The following GPAT2 variants were observed in gnomAD, a reference collection of about 807,000 sequenced individuals.
The protein encoded by GPAT2 is 1-acylglycerol-3-phosphate O-acyltransferase GPAT2.
A neutral mutation model predicts 71.0 loss-of-function variants in GPAT2; 51 were observed. The ratio of observed to expected loss-of-function variants is 0.72; its 90% CI spans 0.57 to 0.91. The LOEUF is 0.91. Ranked by LOEUF, GPAT2 falls within the 40% of genes least tolerant of loss-of-function variation. The pLI, the probability that GPAT2 is intolerant of heterozygous loss-of-function variation, is 0.00. For synonymous variants in GPAT2, 222 were observed against 290.3 expected (o/e 0.76, Z 2.39); for missense variants, 511 against 666.0 (o/e 0.77, Z 2.56).
rs373628825 is a variant in GPAT2 at position 96,022,654 on chromosome 2, G to C, written c.2289+14C>G. ...AGCAGGGGGACAGAAGATGGTGACA[G>C]TGGCTCCTCTCACCCCTAGGTCTCT... On this transcript the variant is annotated intron_variant, in intron 21 of 21. Coordinates refer to ENST00000434632, the MANE Select transcript of GPAT2 (RefSeq NM_001321527.2). The C allele has an allele frequency of 2.1e-4, 331 of 1,613,662 alleles. No homozygotes were observed. Among genetic ancestry groups the C allele is most frequent in the East Asian group, 3.6e-4 (16 of 44,884 alleles).
At chr2:96,024,975 A>G in intron 13 of GPAT2, 132 bp from the exon 14 acceptor site, 1 of 1,043,634 alleles carries the variant, frequency 9.6e-7, no homozygotes, top group Non-Finnish European at 1.5e-6. Context: ...CACCCGGAGC[A>G]GTGGTGTTTA....
chr2:96,026,068 A>G (rs1573863253), intron 11 of GPAT2, 56 bp from the exon 12 acceptor site: 1 of 1,600,096 alleles, frequency 6.2e-7, no homozygotes, highest in East Asian at 2.2e-5. Flanking sequence ...AAACTTGCAC[A>G]CAGCCCACTG....
chr2:96,024,777 T>G lies in GPAT2; in HGVS notation c.1424A>C (p.Gln475Pro). Residue 475 changes from glutamine to proline, a missense_variant, in exon 14 of 22, where the codon CAG (glutamine) becomes CCG (proline). Transcript: ENST00000434632. ...IMATLLLFKH[Q>P]KGVFLSQLLG... ...CCACCACATTGCACCCCCTACCTTC[T>G]GATGCTTGAAGAGCAGCAGCGTTGC... 1.2e-6 allele frequency: 2 copies of G among 1,613,910 alleles called. No homozygotes were observed. The highest frequency in any genetic ancestry group is 1.7e-6 in the Non-Finnish European group (2 of 1,179,958).
intron 17 of GPAT2, 30 bp from the exon 18 acceptor site, chr2:96,023,470 C>G (rs761082781): frequency 6.2e-7 from 1 of 1,613,068 alleles, no homozygotes; most frequent in Admixed American, 1.7e-5. Context: ...TGTTCTCTGA[C>G]AAGCTGGCCA....
In GPAT2 at chr2:96,024,440, G is replaced by A. The variant is rs368926242; in HGVS notation, c.1674C>T (p.Ser558=). 38 of 1,613,586 alleles carry A rather than the reference G, an allele frequency of 2.4e-5. No homozygotes were observed. The highest frequency in any genetic ancestry group is 3.3e-4 in the Middle Eastern group (2 of 6,082). Residue 558 remains serine (S), a synonymous_variant, in exon 15 of 22, where the codon AGC becomes AGT. Coordinates refer to ENST00000434632, the MANE Select transcript of GPAT2 (RefSeq NM_001321527.2). ...LSAELLPVFL[S]EAVGACAVRG... is the part of the protein sequence containing the mutation. ...CTCAAGACTCACCGCCCACAGCCTC[G>A]CTCAGGAAGACGGGCAGCAGCTCAG...
intron 15 of GPAT2, 39 bp from the exon 16 acceptor site, chr2:96,024,376 C>T (rs1250770527): frequency 1.2e-6 from 2 of 1,605,248 alleles, no homozygotes; most frequent in South Asian, 2.2e-5. Flanking sequence ...GGAGCCGTTC[C>T]CTTCACCACT....
rs1002643577 is a variant in GPAT2 at position 96,025,355 on chromosome 2, A to C, written c.1357+130T>G. Reference sequence around the variant, plus strand: ...GGAGAAGGGTTCCATTCTTCTTCAGATGTCCCCAAGGTATCACAGAGCACC... The same window carrying C: ...GGAGAAGGGTTCCATTCTTCTTCAGCTGTCCCCAAGGTATCACAGAGCACC... On this transcript the variant is annotated intron_variant, in intron 13 of 21. Coordinates refer to ENST00000434632, the MANE Select transcript of GPAT2 (RefSeq NM_001321527.2). 4.9e-6 allele frequency: 6 copies of C among 1,235,636 alleles called. No individual in the cohort carries two copies. In the African/African-American group the frequency reaches 9.2e-5, roughly 19 times the overall value. The allele number at this position is 1,235,636 out of a possible 1,614,324, so 76.5% of individuals were successfully genotyped here.
Position 96,024,211 on chromosome 2 carries a change from G to C in GPAT2, c.1814C>G (p.Pro605Arg). ...GACCTTTAGCAGCAGCAGGTCTTGC[G>C]GCAGCAGGTGCATCAGCAGCAGGAT... Reference protein sequence around the residue: ...RQILLLMHLLPQDLLLLKPCQ... With the variant: ...RQILLLMHLLRQDLLLLKPCQ... The change falls in exon 16 of 22, where the codon CCG becomes CGG. Residue 605 changes from proline (P) to arginine (R), a missense_variant. Coordinates refer to ENST00000434632, the MANE Select transcript of GPAT2 (RefSeq NM_001321527.2). 6.5e-7 allele frequency: 1 copy of C among 1,533,918 alleles called. No individual in the cohort carries two copies. Among genetic ancestry groups the C allele is most frequent in the Non-Finnish European group, 8.8e-7 (1 of 1,135,108 alleles).
Position 96,025,504 on chromosome 2 carries a change from C to T in GPAT2, c.1338G>A (p.Leu446=), listed in dbSNP as rs761861434. ...KEEDQLLVRR[L]SCHVLSASVG... is the part of the protein sequence containing the mutation. ...CCTCACCACTCAGGACATGACAGCT[C>T]AGTCTCCTGACCAGGAGCTGGTCCT... is the stretch of plus-strand genomic sequence containing the variant. The change falls in exon 13 of 22, where the codon CTG becomes CTA. Residue 446 remains leucine, a synonymous_variant. Transcript: ENST00000434632. The T allele has an allele frequency of 1.3e-6, 2 of 1,574,106 alleles. No individual in the cohort carries two copies. The highest frequency in any genetic ancestry group is 1.7e-6 in the Non-Finnish European group (2 of 1,159,956).
intron 13 of GPAT2, chr2:96,025,047 G>A: frequency 1.6e-6 from 1 of 635,186 alleles, no homozygotes; most frequent in South Asian, 1.9e-5. Flanking sequence ...TCATCGTAGG[G>A]CCCACACATC....
intron 3 of GPAT2, 140 bp downstream of exon 3, chr2:96,031,893 T>A: frequency 1.1e-6 from 1 of 909,142 alleles, no homozygotes; most frequent in Non-Finnish European, 1.6e-6. Flanking sequence ...TACCAGTGCA[T>A]CCATTCCCCT....
At position 96,024,274 on chromosome 2, in the gene GPAT2, C is replaced by T; in HGVS notation, c.1751G>A (p.Gly584Asp). The T allele has an allele frequency of 6.5e-7, 1 of 1,549,476 alleles. No individual in the cohort carries two copies. Among genetic ancestry groups the T allele is most frequent in the Non-Finnish European group, 8.7e-7 (1 of 1,144,740 alleles). ...CTCATTCTGGCTCAGCAGCAATATG[C>T]CCTGCAGCTCCCAGGGCCCCTGGGG... ...VPPQGPWELQ[G>D]ILLLSQNELY... The change falls in exon 16 of 22, where the codon GGC (glycine) becomes GAC (aspartate). Residue 584 changes from glycine (G) to aspartate (D), a missense_variant. This residue lies in a region of GPAT2 where 295 missense variants were observed against 305.5 expected (regional missense o/e 0.97). Transcript: ENST00000434632.
Position 96,023,428 on chromosome 2 carries a change from G to C in GPAT2, c.1927C>G (p.Arg643Gly). Residue 643 changes from arginine (R) to glycine (G), a missense_variant, in exon 18 of 22, where the codon CGG becomes GGG. This residue lies in a region of GPAT2 where 295 missense variants were observed against 305.5 expected (regional missense o/e 0.97). Coordinates refer to ENST00000434632, the MANE Select transcript of GPAT2 (RefSeq NM_001321527.2). ...LLVAEETPGS[R>G]PACDTGRQRL... ...TGTCGCCCTGTGTCACAGGCTGGCC[G>C]GGAGCCTGGGGTCTAGGGGCCGTGG... The C allele has an allele frequency of 6.2e-7, 1 of 1,613,914 alleles. No individual in the cohort carries two copies. The highest frequency in any genetic ancestry group is 1.1e-5 in the South Asian group (1 of 91,086).
chr2:96,022,056 A>G lies in GPAT2; in HGVS notation c.*103T>C, dbSNP rs1679729753. Reference sequence around the variant, plus strand: ...CAATCAAGCCTCAATGATTATATTTATAGAGCAGCTAAGGGTTTGCAGCCT... The same window carrying G: ...CAATCAAGCCTCAATGATTATATTTGTAGAGCAGCTAAGGGTTTGCAGCCT... On this transcript the variant is annotated 3_prime_UTR_variant, in exon 22 of 22. Transcript: ENST00000434632. 64 of 1,497,952 alleles carry G rather than the reference A, an allele frequency of 4.3e-5. No homozygotes were observed. The highest frequency in any genetic ancestry group is 5.5e-5 in the Non-Finnish European group (62 of 1,122,938). The allele number at this position is 1,497,952 out of a possible 1,614,324, so 92.8% of individuals were successfully genotyped here.
rs536551010 is a variant in GPAT2, at chr2:96,024,550, C to T, written c.1564G>A (p.Val522Met). The change falls in exon 15 of 22, where the codon GTG becomes ATG. Residue 522 changes from valine (V) to methionine (M), a missense_variant. Val to Met is a conservative substitution (Grantham distance 21). Coordinates refer to ENST00000434632, the MANE Select transcript of GPAT2 (RefSeq NM_001321527.2). ...CCCTGACGGATGCGCAGCAGGGCCA[C>T]GTGCGCCCGCAGCAGGCTCAGTGAG... is the stretch of plus-strand genomic sequence containing the variant. ...QHSLSLLRAHVALLRIRQGDL... is the reference protein window; with the variant it reads ...QHSLSLLRAHMALLRIRQGDL... 5.3e-5 allele frequency: 85 copies of T among 1,613,898 alleles called. No homozygotes were observed. The highest frequency in any genetic ancestry group is 4.7e-4 in the Admixed American group (28 of 60,026).
Position 96,023,345 on chromosome 2 carries a change from A to G in GPAT2, c.2010T>C (p.Ser670=). Residue 670 remains serine (S), a synonymous_variant, in exon 18 of 22, where the codon AGT becomes AGC. Coordinates refer to ENST00000434632, the MANE Select transcript of GPAT2 (RefSeq NM_001321527.2). ...KPSGDFTDSD[S]DDFGEADGRY... ...GGCCGTCAGCCTCTCCGAAGTCATC[A>G]CTGTCACTATCAGTAAAGTCCCCAC... 2 of 1,614,182 alleles carry G rather than the reference A, an allele frequency of 1.2e-6. No individual in the cohort carries two copies. Among genetic ancestry groups the G allele is most frequent in the African/African-American group, 1.3e-5 (1 of 75,062 alleles).
chr2:96,025,204 G>A (rs1432312130), intron 13 of GPAT2: 4 of 557,902 alleles, frequency 7.2e-6, no homozygotes, highest in South Asian at 4.7e-5. Flanking sequence ...AGGAGACTCC[G>A]CTCAGAAGGC....
Position 96,024,726 on chromosome 2 carries a change from C to T in GPAT2, c.1429-41G>A, listed in dbSNP as rs758112569. ...AGGGCTAGGCAGCAGGGCCACACAT[C>T]GCCACCCCCCCCACCGCCCAGGTCC... On this transcript the variant is annotated intron_variant, in intron 14 of 21. Transcript: ENST00000434632. 14 of 1,612,458 alleles carry T rather than the reference C, an allele frequency of 8.7e-6. No individual in the cohort carries two copies. In the East Asian group the frequency reaches 1.1e-4, roughly 13 times the overall value.
At position 96,025,534 on chromosome 2, in the gene GPAT2, C is replaced by T. The variant is rs765448151; in HGVS notation, c.1308G>A (p.Lys436=). 4.5e-6 allele frequency: 7 copies of T among 1,562,284 alleles called. No homozygotes were observed. In the Admixed American group the frequency reaches 1.2e-4, roughly 26 times the overall value. Residue 436 remains lysine, a synonymous_variant, in exon 13 of 22, where the codon AAG becomes AAA. Coordinates refer to ENST00000434632, the MANE Select transcript of GPAT2 (RefSeq NM_001321527.2). The part of the protein sequence containing the change: ...TPITGPLLAL[K]EEDQLLVRRL... Reference sequence around the variant, plus strand: ...TCCTGACCAGGAGCTGGTCCTCTTCCTTGAGGGCCAGGAGAGGCCCAGTTA... The same window carrying T: ...TCCTGACCAGGAGCTGGTCCTCTTCTTTGAGGGCCAGGAGAGGCCCAGTTA...
Sources: gnomAD v4.1 joint callset for allele counts on GRCh38, gnomAD v4.1.1 for gene constraint, gnomAD v4.1.1 regional missense constraint, MANE v1.5 for transcripts, NCBI Gene and HGNC (gene_info 2026-07-23, HGNC 2026-07-21) for gene names.